IGSF11: variants seen among roughly 807,000 people sequenced by gnomAD.
IGSF11 encodes immunoglobulin superfamily member 11.
In IGSF11, 22 loss-of-function variants were observed where a neutral mutation model predicts 41.0. The observed-to-expected ratio is 0.54, with a 90% CI of 0.38 to 0.77. IGSF11 has a LOEUF of 0.77. IGSF11 is among the 30% of genes least tolerant of loss of function. The pLI is 0.00. For synonymous variants in IGSF11, 219 were observed against 201.3 expected (o/e 1.09, Z -0.74); for missense variants, 444 against 530.8 (o/e 0.84, Z 1.61).
upstream of IGSF11, among the ~76,000 whole-genome samples, chr3:119,106,713 A>C (rs2107512274): frequency 6.6e-6 from 1 of 152,140 alleles, no homozygotes; most frequent in Admixed American, 6.5e-5. Context: ...CATCAGGTAT[A>C]TCTCCTAATG....
intron 1 of IGSF11, among the ~76,000 whole-genome samples, chr3:119,047,795 A>C (rs559959883): frequency 2.6e-5 from 4 of 152,114 alleles, no homozygotes; most frequent in East Asian, 1.9e-4. Context: ...ATAACAAACT[A>C]TCTCTCAGAC....
At chr3:119,121,818 A>G (rs2077337129) in intron 1 of IGSF11, among the ~76,000 whole-genome samples, 1 of 152,178 alleles carries the variant, frequency 6.6e-6, no homozygotes, top group Admixed American at 6.5e-5. Context: ...GCAAGAGAAA[A>G]ACAACCTACC....
Position 118,902,586 on chromosome 3 carries a change from T to G in IGSF11, c.1230A>C (p.Thr410=), listed in dbSNP as rs749867890. ...HTHSYTISHA[T]LERIGAVPVM... ...CAGGTACTGCACCAATTCGTTCCAG[T>G]GTTGCGTGGCTGATGGTGTAGGAAT... The change falls in exon 7 of 7, where the codon ACA becomes ACC. Residue 410 remains threonine, a synonymous_variant. Transcript: ENST00000393775. The G allele has an allele frequency of 6.2e-7, 1 of 1,613,944 alleles. No homozygotes were observed. The highest frequency in any genetic ancestry group is 8.5e-7 in the Non-Finnish European group (1 of 1,179,952).
chr3:118,974,519 T>C (rs564816645), intron 1 of IGSF11, among the ~76,000 whole-genome samples: 1 of 152,330 alleles, frequency 6.6e-6, no homozygotes, highest in South Asian at 2.1e-4. Context: ...CATGCTAATC[T>C]TACGTGAGAG....
chr3:119,090,195 G>A (rs965705727), intron 1 of IGSF11, among the ~76,000 whole-genome samples: 1 of 152,024 alleles, frequency 6.6e-6, no homozygotes, highest in Non-Finnish European at 1.5e-5. Context: ...CCAAGGAAGT[G>A]AAAGGAAAAC....
intron 1 of IGSF11, among the ~76,000 whole-genome samples, chr3:119,103,028 C>T (rs1194067405): frequency 7.3e-6 from 1 of 137,746 alleles, no homozygotes; most frequent in African/African-American, 2.7e-5. Flanking sequence ...GTTGGAGTCT[C>T]GCTCTGTCGC....
Position 119,003,273 on chromosome 3 carries a change from TTGTC to T in IGSF11, c.52+31254_52+31257del, listed in dbSNP as rs527493100. On this transcript the variant is annotated intron_variant, in intron 1 of 6. Transcript: ENST00000393775. ...GTTCACTCATGATTTGGCTCTCTGT[TTGTC>T]TGTTGTTGGTGTATAAGAATGCTTG... Among the ~76,000 whole-genome samples, 80 of 142,410 alleles carry T rather than the reference TTGTC, an allele frequency of 5.6e-4. No individual in the cohort carries two copies. In the South Asian group the frequency reaches 0.018, roughly 32 times the overall value. The allele number at this position is 142,410 out of a possible 152,430, so 93.4% of individuals were successfully genotyped here. A position where few individuals can be genotyped will look rare whatever the true frequency, so the allele number is the denominator to read the frequency against.
Position 118,910,630 on chromosome 3 carries a change from A to G in IGSF11, c.581-4912T>C, listed in dbSNP as rs116424190. Among the ~76,000 whole-genome samples, 334 of 152,318 alleles carry G rather than the reference A, an allele frequency of 2.2e-3. 1 individual carries two copies. In the Middle Eastern group the frequency reaches 0.031, roughly 14 times the overall value. On this transcript the variant is annotated intron_variant, in intron 4 of 6. Coordinates refer to ENST00000393775, the MANE Select transcript of IGSF11 (RefSeq NM_001015887.3). ...TAAATGTCAGTGCATCTCTACAGTT[A>G]AAGATAACATCCAAACTCCTTGCAT...
At chr3:118,904,081 A>C (rs1307520487) in intron 6 of IGSF11, among the ~76,000 whole-genome samples, 2 of 152,236 alleles carry the variant, frequency 1.3e-5, no homozygotes, top group Non-Finnish European at 2.9e-5. Flanking sequence ...GAGTCATTAC[A>C]GCATTTTCAA....
At chr3:118,921,809 G>C (rs986875481) in intron 4 of IGSF11, among the ~76,000 whole-genome samples, 1 of 152,082 alleles carries the variant, frequency 6.6e-6, no homozygotes, top group South Asian at 2.1e-4. Flanking sequence ...AAATAGGGTA[G>C]AGAAAATCTG....
chr3:119,006,094 G>A (rs1937474066), intron 1 of IGSF11, among the ~76,000 whole-genome samples: 1 of 114,586 alleles, frequency 8.7e-6, no homozygotes, highest in Non-Finnish European at 1.7e-5. Flanking sequence ...ATCACTTTCA[G>A]GTACACCAAT....
At chr3:118,987,161 T>G (rs1935338029) in intron 1 of IGSF11, among the ~76,000 whole-genome samples, 1 of 152,218 alleles carries the variant, frequency 6.6e-6, no homozygotes, top group Non-Finnish European at 1.5e-5. Context: ...CTTCCACATT[T>G]TGGTATTTGA....
upstream of IGSF11, among the ~76,000 whole-genome samples, chr3:119,109,739 T>A (rs577675641): frequency 1.3e-5 from 2 of 152,300 alleles, no homozygotes; most frequent in East Asian, 3.9e-4. Flanking sequence ...TGCTATAAAT[T>A]TCCCTCTACA....
At chr3:118,911,507 A>G (rs4687832) in intron 4 of IGSF11, among the ~76,000 whole-genome samples, 12,648 of 152,178 alleles carry the variant, frequency 0.083, 596 homozygotes, top group East Asian at 0.13. Context: ...AGCTTGGTCA[A>G]CATAGCAAGG....
At chr3:118,911,023 A>T (rs545580599) in intron 4 of IGSF11, among the ~76,000 whole-genome samples, 3 of 152,234 alleles carry the variant, frequency 2.0e-5, no homozygotes, top group African/African-American at 7.2e-5. Flanking sequence ...TTAGGCAGTG[A>T]GCTCTAGGAT....
intron 1 of IGSF11, among the ~76,000 whole-genome samples, chr3:119,082,615 T>C (rs939725723): frequency 6.6e-6 from 1 of 152,228 alleles, no homozygotes; most frequent in Non-Finnish European, 1.5e-5. Flanking sequence ...TCAATATTTA[T>C]CTTTAAATTT....
chr3:118,916,448 G>C (rs1179547295), intron 4 of IGSF11, among the ~76,000 whole-genome samples: 2 of 151,844 alleles, frequency 1.3e-5, no homozygotes, highest in Non-Finnish European at 2.9e-5. Context: ...AAAGGCAGGG[G>C]TTGCAATCCT....
chr3:119,041,787 A>G (rs1941127297), intron 1 of IGSF11, among the ~76,000 whole-genome samples: 1 of 152,198 alleles, frequency 6.6e-6, no homozygotes, highest in Non-Finnish European at 1.5e-5. Context: ...AATTAAGGTA[A>G]TTGAAGCAAT....
At chr3:118,962,346 A>G (rs1289887786) in intron 1 of IGSF11, among the ~76,000 whole-genome samples, 3 of 152,108 alleles carry the variant, frequency 2.0e-5, no homozygotes, top group Admixed American at 1.3e-4. Flanking sequence ...TTTGTTGCTG[A>G]TATGATTATA....
Sources: gnomAD v4.1 joint callset for allele counts (sites outside exome capture counted in the v4.1 genomes callset) on GRCh38, gnomAD v4.1.1 for gene constraint, MANE v1.5 for transcripts, NCBI Gene and HGNC (gene_info 2026-07-23, HGNC 2026-07-21) for gene names.